Variants in DEFB131A observed in about 807,000 individuals in gnomAD.
The protein encoded by DEFB131A is beta-defensin 131A.
In DEFB131A, 5 loss-of-function variants were observed where a neutral mutation model predicts 2.4. The ratio of observed to expected loss-of-function variants is 2.12; its 90% CI spans 1.11 to 4.47. The LOEUF (loss-of-function observed/expected upper bound fraction) is 4.47, where lower values mean the gene tolerates loss of function less well. DEFB131A is among the 30% of genes most tolerant of loss of function. The pLI, the probability that DEFB131A is intolerant of heterozygous loss-of-function variation, is 0.00. For missense variants in DEFB131A, 120 were observed against 79.9 expected (o/e 1.50, Z -1.91); for synonymous variants, 34 against 25.7 (o/e 1.32, Z -0.97).
chr4:9,446,719 T>G (rs1198807122), intron 1 of DEFB131A, among the ~76,000 whole-genome samples: 1 of 152,132 alleles, frequency 6.6e-6, no homozygotes, highest in Non-Finnish European at 1.5e-5. Context: ...CAGTAGGCAT[T>G]TATTGCTATA....
chr4:9,445,052 C>G (rs1166464336), intron 1 of DEFB131A, among the ~76,000 whole-genome samples: 1 of 152,054 alleles, frequency 6.6e-6, no homozygotes, highest in Non-Finnish European at 1.5e-5. Context: ...TGCACACCAG[C>G]CTGGGCAACA....
At chr4:9,450,305 T>A in intron 1 of DEFB131A, 55 bp from the exon 2 acceptor site, 1 of 1,406,214 alleles carries the variant, frequency 7.1e-7, no homozygotes, top group Admixed American at 2.7e-5. Context: ...TTCAGACATT[T>A]AACAATAAAA....
At chr4:9,445,634 A>T (rs1399349176) in intron 1 of DEFB131A, among the ~76,000 whole-genome samples, 2 of 151,898 alleles carry the variant, frequency 1.3e-5, no homozygotes, top group African/African-American at 4.8e-5. Context: ...TCCCTTATTT[A>T]TATAATTATA....
chr4:9,448,128 TAAACATAGGCATATTATATTG>T (rs1717551121), intron 1 of DEFB131A, among the ~76,000 whole-genome samples: 1 of 148,444 alleles, frequency 6.7e-6, no homozygotes, highest in Admixed American at 6.7e-5. Flanking sequence ...ACAAAAAATT[TAAACATAGGCATATTATATTG>T]AAACTGCCAA....
chr4:9,448,000 G>C (rs1447863613), intron 1 of DEFB131A, among the ~76,000 whole-genome samples: 1 of 152,140 alleles, frequency 6.6e-6, no homozygotes. Flanking sequence ...ATCAGGAGGA[G>C]GGGAAAGAAA....
At chr4:9,447,172 C>T (rs74420462) in intron 1 of DEFB131A, among the ~76,000 whole-genome samples, 1 of 152,144 alleles carries the variant, frequency 6.6e-6, no homozygotes, top group East Asian at 1.9e-4. Context: ...CTGTTCAATG[C>T]TGAAAGTGGG....
intron 1 of DEFB131A, among the ~76,000 whole-genome samples, chr4:9,446,724 G>A (rs1259516554): frequency 1.3e-5 from 2 of 151,926 alleles, no homozygotes; most frequent in Admixed American, 6.6e-5. Flanking sequence ...GGCATTTATT[G>A]CTATAAAATT....
rs746781851 is a variant in DEFB131A at position 9,444,500 on chromosome 4, C to T, written c.-34C>T. On this transcript the variant is annotated 5_prime_UTR_variant, in exon 1 of 2. Transcript: ENST00000334879. ...ACAGAAGTCCTCTTCATCTCAGCTA[C>T]TGATTCTCTCTAACCTGCTTTACCT... The T allele has an allele frequency of 2.6e-5, 42 of 1,607,414 alleles. 1 individual carries two copies. The highest frequency in any genetic ancestry group is 1.0e-4 in the South Asian group (9 of 89,840).
intron 1 of DEFB131A, among the ~76,000 whole-genome samples, chr4:9,449,867 A>T (rs1037491831): frequency 6.6e-6 from 1 of 152,110 alleles, no homozygotes; most frequent in African/African-American, 2.4e-5. Context: ...TTCACCAAAA[A>T]CAGAGAAGCA....
intron 1 of DEFB131A, among the ~76,000 whole-genome samples, chr4:9,446,922 T>C (rs1216702699): frequency 2.6e-5 from 4 of 152,210 alleles, no homozygotes; most frequent in Admixed American, 1.3e-4. Context: ...TATTCATTTC[T>C]AGTTCTATTC....
chr4:9,445,546 T>C (rs11722326), intron 1 of DEFB131A, among the ~76,000 whole-genome samples: 92,704 of 150,402 alleles, frequency 0.62, 31,792 homozygotes, highest in Non-Finnish European at 0.77. Context: ...GGTTGACTTA[T>C]TGATCATTTC....
At chr4:9,445,173 G>T (rs868494066) in intron 1 of DEFB131A, among the ~76,000 whole-genome samples, 29 of 152,216 alleles carry the variant, frequency 1.9e-4, no homozygotes, top group Admixed American at 1.4e-3. Flanking sequence ...GAAATTTAAA[G>T]AATTGGAAAA....
intron 1 of DEFB131A, among the ~76,000 whole-genome samples, chr4:9,445,343 G>A (rs372059340): frequency 1.3e-5 from 2 of 152,008 alleles, no homozygotes; most frequent in Non-Finnish European, 2.9e-5. Flanking sequence ...ATCATTTAAT[G>A]TATATGGAAA....
At chr4:9,449,607 AAGG>A (rs1239763865) in intron 1 of DEFB131A, among the ~76,000 whole-genome samples, 3 of 151,838 alleles carry the variant, frequency 2.0e-5, no homozygotes, top group Non-Finnish European at 4.4e-5. Flanking sequence ...AAGAAAACAT[AAGG>A]AGAACCTTTC....
In DEFB131A at chr4:9,448,826, A is replaced by C. The variant is rs191012794; in HGVS notation, c.59-1534A>C. ...CCACATTTATTTAACATGATACTAAAAGTTCTAGCAAGAACAATTAGGCAA... is the reference window on the plus strand; with the variant it reads ...CCACATTTATTTAACATGATACTAACAGTTCTAGCAAGAACAATTAGGCAA... On this transcript the variant is annotated intron_variant, in intron 1 of 1. Coordinates refer to ENST00000334879, the MANE Select transcript of DEFB131A (RefSeq NM_001040448.3). Among the ~76,000 whole-genome samples, 422 of 152,290 alleles carry C rather than the reference A, an allele frequency of 2.8e-3. 3 individuals are homozygous for C. The highest frequency in any genetic ancestry group is 9.7e-3 in the African/African-American group (403 of 41,556).
intron 1 of DEFB131A, among the ~76,000 whole-genome samples, chr4:9,446,541 A>G (rs1359814659): frequency 6.6e-6 from 1 of 152,042 alleles, no homozygotes; most frequent in East Asian, 1.9e-4. Flanking sequence ...TCCAAAAGTC[A>G]ACTTTTTGTT....
chr4:9,448,019 A>G (rs1184548483), intron 1 of DEFB131A, among the ~76,000 whole-genome samples: 9 of 152,158 alleles, frequency 5.9e-5, no homozygotes, highest in African/African-American at 2.2e-4. Flanking sequence ...AAGGAACAGA[A>G]GAAATATTTG....
intron 1 of DEFB131A, among the ~76,000 whole-genome samples, chr4:9,446,955 G>A (rs1361678745): frequency 1.3e-5 from 2 of 152,030 alleles, no homozygotes; most frequent in African/African-American, 4.8e-5. Context: ...GAATATACTT[G>A]ATATAATGTT....
chr4:9,448,766 C>T (rs1205284003), intron 1 of DEFB131A, among the ~76,000 whole-genome samples: 2 of 152,124 alleles, frequency 1.3e-5, no homozygotes, highest in African/African-American at 4.8e-5. Context: ...GCTTTTCTTC[C>T]AAGATCAGGA....
Sources: allele counts gnomAD v4.1 joint callset (sites outside exome capture counted in the v4.1 genomes callset), GRCh38; gene constraint gnomAD v4.1.1; transcripts MANE v1.5; gene names NCBI Gene and HGNC (gene_info 2026-07-23, HGNC 2026-07-21).